RPGRIP1L: variants seen among roughly 807,000 people sequenced by gnomAD.
The protein encoded by RPGRIP1L is protein fantom.
In RPGRIP1L, 131 loss-of-function variants were observed where a neutral mutation model predicts 160.4. The ratio of observed to expected loss-of-function variants is 0.82; its 90% CI spans 0.71 to 0.94. The LOEUF (loss-of-function observed/expected upper bound fraction) is 0.94, where lower values mean the gene tolerates loss of function less well. Among genes scored for constraint, RPGRIP1L ranks in the 40% least tolerant of loss-of-function variants. The probability of loss-of-function intolerance (pLI) is 0.00; values close to 1 mark genes in which losing one functional copy is unlikely to be tolerated. For missense variants in RPGRIP1L, 1,522 were observed against 1,535.8 expected (o/e 0.99, Z 0.15); for synonymous variants, 510 against 515.8 (o/e 0.99, Z 0.15).
chr16:53,696,952 G>T (rs537622200), intron 2 of RPGRIP1L, among the ~76,000 whole-genome samples: 1 of 152,154 alleles, frequency 6.6e-6, no homozygotes, highest in African/African-American at 2.4e-5. Context: ...TCAGCACTTT[G>T]GGGGGCTGGG....
At chr16:53,687,986 T>C (rs755610732) in intron 4 of RPGRIP1L, 21 bp from the exon 5 acceptor site, 54 of 1,354,972 alleles carry the variant, frequency 4.0e-5, no homozygotes, top group Non-Finnish European at 5.3e-5. Context: ...AGTAATAAAA[T>C]ATGATTACAG....
In RPGRIP1L at chr16:53,601,532, T is replaced by C. The variant is rs1382550198; in HGVS notation, c.*544A>G. On this transcript the variant is annotated 3_prime_UTR_variant, in exon 27 of 27. Coordinates refer to ENST00000647211, the MANE Select transcript of RPGRIP1L (RefSeq NM_015272.5). ...AGAAAATGCATACTGAGCTTTAATG[T>C]GCATAAAATGGATATTAGCATTTTA... 1 of 155,362 alleles carries C rather than the reference T, an allele frequency of 6.4e-6. No homozygotes were observed. Among genetic ancestry groups the C allele is most frequent in the African/African-American group, 2.4e-5 (1 of 41,460 alleles). The allele number at this position is 155,362 out of a possible 1,614,324, so 9.6% of individuals were successfully genotyped here. A position where few individuals can be genotyped will look rare whatever the true frequency, so the allele number is the denominator to read the frequency against.
chr16:53,695,385 C>T, intron 3 of RPGRIP1L: 2 of 702,968 alleles, frequency 2.8e-6, no homozygotes, highest in East Asian at 2.7e-5. Context: ...ACTGGAACCA[C>T]CTCCTTAGGA....
At chr16:53,680,804 G>T (rs1186284453) in intron 6 of RPGRIP1L, among the ~76,000 whole-genome samples, 1 of 151,936 alleles carries the variant, frequency 6.6e-6, no homozygotes, top group East Asian at 1.9e-4. Flanking sequence ...TGAAGAGAAG[G>T]GAAGTGAGGA....
At position 53,621,505 on chromosome 16, in the gene RPGRIP1L, A is replaced by T. The variant is rs116980670; in HGVS notation, c.3432+714T>A. ...AAATGTCCTTTTTAATTCTCTGACCAATACACCTGGCAGAAATGATCAGTT... is the reference window on the plus strand; with the variant it reads ...AAATGTCCTTTTTAATTCTCTGACCTATACACCTGGCAGAAATGATCAGTT... On this transcript the variant is annotated intron_variant, in intron 23 of 26. Coordinates refer to ENST00000647211, the MANE Select transcript of RPGRIP1L (RefSeq NM_015272.5). Among the ~76,000 whole-genome samples the T allele has an allele frequency of 4.1e-4, 62 of 150,890 alleles. No individual in the cohort carries two copies. In the East Asian group the frequency reaches 0.012, roughly 29 times the overall value.
intron 13 of RPGRIP1L, 41 bp downstream of exon 13, chr16:53,657,412 T>C (rs776242000): frequency 2.3e-6 from 3 of 1,325,534 alleles, no homozygotes; most frequent in Admixed American, 1.7e-5. Context: ...CATCAGAATA[T>C]TATAGAAAAC....
At chr16:53,610,153 T>C (rs72803624) in intron 25 of RPGRIP1L, among the ~76,000 whole-genome samples, 3,308 of 152,122 alleles carry the variant, frequency 0.022, 117 homozygotes, top group East Asian at 0.14. Context: ...TTGCGGTTAA[T>C]AAGCAGCACA....
intron 22 of RPGRIP1L, among the ~76,000 whole-genome samples, chr16:53,631,797 G>C (rs1965537158): frequency 6.6e-6 from 1 of 152,200 alleles, no homozygotes; most frequent in African/African-American, 2.4e-5. Flanking sequence ...CAGGCTGACG[G>C]AATCTGACAG....
In RPGRIP1L at chr16:53,658,436, C is replaced by G. The variant is rs1453073788; in HGVS notation, c.1379G>C (p.Ser460Thr). The G allele has an allele frequency of 2.5e-6, 4 of 1,611,684 alleles. No individual in the cohort carries two copies. Among genetic ancestry groups the G allele is most frequent in the East Asian group, 4.5e-5 (2 of 44,750 alleles). Residue 460 changes from serine (S) to threonine (T), a missense_variant, in exon 12 of 27, where the codon AGT (serine) becomes ACT (threonine). Transcript: ENST00000647211. ...QENDINADELSEALLLIKAQK... is the reference protein window; with the variant it reads ...QENDINADELTEALLLIKAQK... ...TACCTTTATAAGTAGGAGAGCTTCA[C>G]TCAATTCATCAGCATTAATATCATT... is the stretch of plus-strand genomic sequence containing the variant.
intron 22 of RPGRIP1L, among the ~76,000 whole-genome samples, chr16:53,632,799 C>T (rs1255644934): frequency 1.3e-5 from 2 of 152,118 alleles, no homozygotes; most frequent in African/African-American, 4.8e-5. Context: ...TTCATGAACT[C>T]CTAATCATCT....
intron 4 of RPGRIP1L, among the ~76,000 whole-genome samples, chr16:53,690,457 A>C (rs1422497035): frequency 1.3e-5 from 2 of 151,902 alleles, no homozygotes; most frequent in Non-Finnish European, 2.9e-5. Context: ...TGACCTCCCA[A>C]AGTGCTGGGA....
intron 9 of RPGRIP1L, among the ~76,000 whole-genome samples, chr16:53,668,501 GA>G: frequency 6.6e-6 from 1 of 152,262 alleles, no homozygotes. Flanking sequence ...CAAATTAACT[GA>G]ATCAGAGTTG....
Position 53,599,700 on chromosome 16 carries a change from T to C in RPGRIP1L, c.*2376A>G, listed in dbSNP as rs1369872541. On this transcript the variant is annotated 3_prime_UTR_variant, in exon 27 of 27. Transcript: ENST00000647211. ...GTTTGGCTCACCAAGAGAAATCCACTGCTCTTTAACCCAAAAGGTGGTAAG... is the reference window on the plus strand; with the variant it reads ...GTTTGGCTCACCAAGAGAAATCCACCGCTCTTTAACCCAAAAGGTGGTAAG... The C allele has an allele frequency of 6.6e-6, 1 of 152,214 alleles. No homozygotes were observed. 9.4% of individuals were successfully genotyped at this position (152,214 alleles called of 1,614,324 possible).
intron 19 of RPGRIP1L, 26 bp from the exon 20 acceptor site, chr16:53,638,437 G>A (rs1472846828): frequency 8.3e-7 from 1 of 1,206,166 alleles, no homozygotes; most frequent in South Asian, 1.2e-5. Flanking sequence ...AAACACGCAT[G>A]TATGTCATTT....
At chr16:53,641,728 C>A (rs1598300755) in intron 17 of RPGRIP1L, among the ~76,000 whole-genome samples, 1 of 152,052 alleles carries the variant, frequency 6.6e-6, no homozygotes, top group South Asian at 2.1e-4. Flanking sequence ...AAGTTAAGAC[C>A]TCAAAGATAA....
intron 7 of RPGRIP1L, among the ~76,000 whole-genome samples, chr16:53,674,339 G>T (rs1448247214): frequency 6.6e-6 from 1 of 152,088 alleles, no homozygotes; most frequent in Non-Finnish European, 1.5e-5. Context: ...GAATGTCTTG[G>T]AGTTCATTAA....
At position 53,641,351 on chromosome 16, in the gene RPGRIP1L, A is replaced by T. The variant is rs770009719; in HGVS notation, c.2808T>A (p.Ile936=). 3.1e-6 allele frequency: 5 copies of T among 1,614,114 alleles called. 1 individual carries two copies. The South Asian group carries it at 3.3e-5, about 11-fold the overall frequency. The change falls in exon 18 of 27, where the codon ATT becomes ATA. Residue 936 remains isoleucine, a synonymous_variant. Coordinates refer to ENST00000647211, the MANE Select transcript of RPGRIP1L (RefSeq NM_015272.5). The part of the protein sequence containing the change: ...SITTEDLGNF[I]RSEEPEVVQR... ...GAACAACTTCTGGCTCTTCGCTGCG[A>T]ATGAAATTTCCTAAGTCTTCAGTTG...
At chr16:53,619,822 T>C (rs1167645373) in intron 23 of RPGRIP1L, among the ~76,000 whole-genome samples, 1 of 152,228 alleles carries the variant, frequency 6.6e-6, no homozygotes, top group African/African-American at 2.4e-5. Context: ...AATTTATCTT[T>C]AATTTTATTT....
intron 13 of RPGRIP1L, among the ~76,000 whole-genome samples, chr16:53,656,798 T>G (rs541710385): frequency 2.0e-5 from 3 of 152,316 alleles, no homozygotes; most frequent in African/African-American, 7.2e-5. Context: ...GATTCCCTTT[T>G]ATGGAGATGT....
Sources: allele counts gnomAD v4.1 joint callset (sites outside exome capture counted in the v4.1 genomes callset), GRCh38; gene constraint gnomAD v4.1.1; transcripts MANE v1.5; gene names NCBI Gene and HGNC (gene_info 2026-07-23, HGNC 2026-07-21).